Variants in HMCN2 observed in about 807,000 individuals in gnomAD.
HMCN2 encodes the protein hemicentin 2, also known as hemicentin-2.
HMCN2 carries 325 observed loss-of-function variants against 377.5 expected under a neutral mutation model. The ratio of observed to expected loss-of-function variants is 0.86; its 90% CI spans 0.79 to 0.94. The LOEUF is 0.94. HMCN2 is among the 40% of genes least tolerant of loss of function. The probability of loss-of-function intolerance (pLI) is 0.00; values close to 1 mark genes in which losing one functional copy is unlikely to be tolerated. For synonymous variants in HMCN2, 2,007 were observed against 2,046.8 expected (o/e 0.98, Z 0.53); for missense variants, 4,543 against 4,725.3 (o/e 0.96, Z 1.13).
intron 23 of HMCN2, among the ~76,000 whole-genome samples, chr9:130,339,048 T>TG (rs1838911869): frequency 6.6e-6 from 1 of 151,536 alleles, no homozygotes; most frequent in Non-Finnish European, 1.5e-5. Context: ...ATTAACCACT[T>TG]GCAATGGTCC....
chr9:130,399,932 C>A (rs1469869989), intron 76 of HMCN2, among the ~76,000 whole-genome samples: 1 of 152,228 alleles, frequency 6.6e-6, no homozygotes, highest in Non-Finnish European at 1.5e-5. Context: ...CTGCCCGCTG[C>A]CCCCAGGATA....
At position 130,286,247 on chromosome 9, in the gene HMCN2, TGAG is replaced by T. The variant is rs1554927645; in HGVS notation, c.553_555del (p.Glu185del). The T allele has an allele frequency of 2.1e-6, 1 of 471,096 alleles. No homozygotes were observed. The highest frequency in any genetic ancestry group is 4.4e-6 in the Non-Finnish European group (1 of 227,058). 29.2% of individuals were successfully genotyped at this position (471,096 alleles called of 1,614,324 possible). On this transcript the variant is annotated inframe_deletion, in exon 4 of 98. Transcript: ENST00000683500. ...GCACCCATCCTGGCTACCTGGCTTA[TGAG>T]GAGATCGCTGCCACCAGCTCTGGGC...
Position 130,428,558 on chromosome 9 carries a change from C to A in HMCN2, c.14197+69C>A, listed in dbSNP as rs1430698259. 15 of 1,517,832 alleles carry A rather than the reference C, an allele frequency of 9.9e-6. No homozygotes were observed. The Admixed American group carries it at 2.0e-4, about 20-fold the overall frequency. 94.0% of individuals were successfully genotyped at this position (1,517,832 alleles called of 1,614,324 possible). On this transcript the variant is annotated intron_variant, in intron 93 of 97. Transcript: ENST00000683500. This position sits in a 1 kb window ranked among gnomAD's most constrained non-coding sequence, Gnocchi z 5.0. ...CCAGAGGTTGCCAGGGATCAGCTGA[C>A]AGGGGGCTGTGTGTCACTGGGCTCT...
intron 45 of HMCN2, among the ~76,000 whole-genome samples, chr9:130,370,582 C>G (rs998593761): frequency 3.3e-5 from 5 of 152,244 alleles, no homozygotes; most frequent in Non-Finnish European, 5.9e-5. Context: ...AGCGTTGCCA[C>G]TTAGCTTCCA....
intron 16 of HMCN2, among the ~76,000 whole-genome samples, chr9:130,320,068 G>T (rs1287997056): frequency 6.6e-6 from 1 of 152,022 alleles, no homozygotes. Flanking sequence ...TTTACTACAC[G>T]CCAGGCCCAA....
At chr9:130,385,008 G>A (rs1208073262) in intron 59 of HMCN2, among the ~76,000 whole-genome samples, 1 of 152,194 alleles carries the variant, frequency 6.6e-6, no homozygotes, top group Non-Finnish European at 1.5e-5. Flanking sequence ...CTTGTGTGGT[G>A]GGGGAAGCCT....
intron 25 of HMCN2, among the ~76,000 whole-genome samples, chr9:130,345,237 A>T (rs1314135841): frequency 8.5e-6 from 1 of 117,136 alleles, no homozygotes; most frequent in Admixed American, 8.4e-5. Context: ...TGTAGTGTGT[A>T]TGTTGTGTGT....
chr9:130,419,854 C>A (rs1036332385), intron 86 of HMCN2, among the ~76,000 whole-genome samples: 21 of 152,180 alleles, frequency 1.4e-4, no homozygotes, highest in Non-Finnish European at 1.5e-4. Context: ...GACACTTGGC[C>A]ACCTGGAAAT....
chr9:130,372,135 C>G (rs1002091361), intron 46 of HMCN2, among the ~76,000 whole-genome samples, 159 bp from the exon 47 acceptor site: 3 of 152,222 alleles, frequency 2.0e-5, no homozygotes, highest in Non-Finnish European at 4.4e-5. Context: ...GTTTACCCTC[C>G]TGGGCCTCAG....
At chr9:130,312,036 T>C (rs1439053619) in intron 15 of HMCN2, among the ~76,000 whole-genome samples, 1 of 152,200 alleles carries the variant, frequency 6.6e-6, no homozygotes, top group Non-Finnish European at 1.5e-5. Context: ...TGTTGCTGGC[T>C]CATGTAACCC....
rs1841426860 is a variant in HMCN2, at chr9:130,377,089, G to A, written c.8061+431G>A. Among the ~76,000 whole-genome samples, 4 of 151,326 alleles carry A rather than the reference G, an allele frequency of 2.6e-5. 1 individual carries two copies. The highest frequency in any genetic ancestry group is 6.6e-5 in the Admixed American group (1 of 15,198). On this transcript the variant is annotated intron_variant, in intron 52 of 97. Coordinates refer to ENST00000683500, the MANE Select transcript of HMCN2 (RefSeq NM_001291815.2). Reference sequence around the variant, plus strand: ...ATTGGGATTACAGGCATGAGCCACCGCACCCAGCCTTTATTTTATTTTATT... The same window carrying A: ...ATTGGGATTACAGGCATGAGCCACCACACCCAGCCTTTATTTTATTTTATT...
rs1219407121 is a variant in HMCN2 at position 130,361,359 on chromosome 9, A to C, written c.5951-649A>C. Among the ~76,000 whole-genome samples the C allele has an allele frequency of 6.6e-6, 1 of 152,206 alleles. No individual in the cohort carries two copies. On this transcript the variant is annotated intron_variant, in intron 38 of 97. Transcript: ENST00000683500. This position sits in a 1 kb window ranked among gnomAD's most constrained non-coding sequence, Gnocchi z 4.8. ...GGATACCTACACTGAGGTCTCTGCCAAGGCCTGAGGTTATGAAGATCTGGG... is the reference window on the plus strand; with the variant it reads ...GGATACCTACACTGAGGTCTCTGCCCAGGCCTGAGGTTATGAAGATCTGGG...
chr9:130,381,457 C>A (rs1373250973), intron 54 of HMCN2, among the ~76,000 whole-genome samples: 1 of 152,194 alleles, frequency 6.6e-6, no homozygotes, highest in Non-Finnish European at 1.5e-5. Context: ...CAACCTCTGC[C>A]TCCTGGGTTT....
intron 78 of HMCN2, 109 bp from the exon 79 acceptor site, chr9:130,403,084 GA>G: frequency 8.9e-7 from 1 of 1,128,520 alleles, no homozygotes; most frequent in South Asian, 1.5e-5. Flanking sequence ...GATGTTTCTA[GA>G]ACCCCCGTTC....
At chr9:130,314,406 A>G (rs1468634976) in intron 15 of HMCN2, among the ~76,000 whole-genome samples, 1 of 152,240 alleles carries the variant, frequency 6.6e-6, no homozygotes, top group Non-Finnish European at 1.5e-5. Flanking sequence ...GTGAATAGAT[A>G]AAGACTAATC....
At chr9:130,411,712 A>C (rs966835410) in intron 85 of HMCN2, among the ~76,000 whole-genome samples, 1 of 152,186 alleles carries the variant, frequency 6.6e-6, no homozygotes, top group Admixed American at 6.6e-5. Context: ...GTCACAAAGA[A>C]ACAAACACTG....
intron 35 of HMCN2, 175 bp from the exon 36 acceptor site, chr9:130,358,215 G>A: frequency 1.9e-6 from 1 of 521,042 alleles, no homozygotes; most frequent in Non-Finnish European, 2.5e-6. Context: ...TATGCCTGGA[G>A]ATCGGACGAA....
At chr9:130,403,121 C>T in intron 78 of HMCN2, 73 bp from the exon 79 acceptor site, 1 of 1,226,284 alleles carries the variant, frequency 8.2e-7, no homozygotes, top group Non-Finnish European at 1.1e-6. Context: ...CTCTCTGATG[C>T]TCCGAGGCCC....
chr9:130,408,858 A>C lies in HMCN2; in HGVS notation c.12804A>C (p.Lys4268Asn), dbSNP rs1296758149. 3 of 1,289,828 alleles carry C rather than the reference A, an allele frequency of 2.3e-6. No homozygotes were observed. The highest frequency in any genetic ancestry group is 1.1e-4 in the East Asian group (2 of 18,022). The allele number at this position is 1,289,828 out of a possible 1,614,324, so 79.9% of individuals were successfully genotyped here. The part of the protein sequence containing the change: ...GDPVPDIHWI[K>N]DGLPLRGSHL... The stretch of plus-strand genomic sequence containing the variant: ...CAGTGCCGGACATCCACTGGATCAA[A>C]GATGGCCTTCCACTGCGGGGCAGCC... Residue 4268 changes from lysine (K) to asparagine (N), a missense_variant, in exon 84 of 98, where the codon AAA (lysine) becomes AAC (asparagine). Physicochemically the swap from Lys to Asn is moderately conservative, Grantham distance 94. This residue lies in a region of HMCN2 where 1,155 missense variants were observed against 1,157.7 expected (regional missense o/e 1.00). Coordinates refer to ENST00000683500, the MANE Select transcript of HMCN2 (RefSeq NM_001291815.2).
Sources: gnomAD v4.1 joint callset for allele counts (sites outside exome capture counted in the v4.1 genomes callset) on GRCh38, gnomAD v4.1.1 for gene constraint, gnomAD v4.1.1 regional missense constraint, Gnocchi (gnomAD v3.1) non-coding constraint, MANE v1.5 for transcripts, NCBI Gene and HGNC (gene_info 2026-07-23, HGNC 2026-07-21) for gene names.